Variants in CHI3L2 observed in about 807,000 individuals in gnomAD.
CHI3L2 encodes the protein chitinase 3 like 2.
In CHI3L2, 47 loss-of-function variants were observed where a neutral mutation model predicts 47.3. The observed-to-expected ratio is 0.99, with a 90% confidence interval of 0.79 to 1.27. The LOEUF (loss-of-function observed/expected upper bound fraction) is 1.27. CHI3L2 is among the 50% of genes most tolerant of loss of function. The pLI is 0.00. For missense variants in CHI3L2, 497 were observed against 462.1 expected (o/e 1.08, Z -0.69); for synonymous variants, 198 against 169.9 (o/e 1.17, Z -1.28).
intron 5 of CHI3L2, 52 bp from the exon 6 acceptor site, chr1:111,235,587 C>T: frequency 6.3e-7 from 1 of 1,586,182 alleles, no homozygotes; most frequent in Non-Finnish European, 8.6e-7. Flanking sequence ...AGAAGCTTAG[C>T]ACTGTACTCT....
chr1:111,228,539 C>T (rs750740850), intron 1 of CHI3L2, among the ~76,000 whole-genome samples: 1 of 152,326 alleles, frequency 6.6e-6, no homozygotes, highest in Non-Finnish European at 1.5e-5. Context: ...TGGAGGCTGA[C>T]CTGACAGTGG....
At chr1:111,242,156 A>T (rs1252812762) in intron 9 of CHI3L2, 71 bp from the exon 10 acceptor site, 5 of 1,598,678 alleles carry the variant, frequency 3.1e-6, no homozygotes. Flanking sequence ...CCCTCATCTG[A>T]ACCTGATATG....
chr1:111,236,018 C>T lies in CHI3L2; in HGVS notation c.606-6C>T, dbSNP rs376788065. 1.2e-6 allele frequency: 2 copies of T among 1,613,826 alleles called. No homozygotes were observed. The highest frequency in any genetic ancestry group is 2.2e-5 in the East Asian group (1 of 44,892). On this transcript the variant is annotated splice_region_variant and splice_polypyrimidine_tract_variant and intron_variant, in intron 6 of 10. Transcript: ENST00000369748. ...AAAATCTCTCCCATTGCTTTTGGCA[C>T]TTTAGAGATCTGGATTTCATCAACC...
chr1:111,240,170 G>A (rs996689740), intron 8 of CHI3L2, among the ~76,000 whole-genome samples: 2 of 152,166 alleles, frequency 1.3e-5, no homozygotes, highest in Admixed American at 1.3e-4. Flanking sequence ...TCTATCTTTG[G>A]AGTCCCAGCC....
intron 7 of CHI3L2, 83 bp from the exon 8 acceptor site, chr1:111,238,667 G>A (rs1659954947): frequency 7.0e-7 from 1 of 1,429,494 alleles, no homozygotes; most frequent in African/African-American, 1.4e-5. Context: ...AGTCACCTCT[G>A]TGAAGTTTGG....
chr1:111,234,991 T>C lies in CHI3L2; in HGVS notation c.414T>C (p.Asp138=). ...IILFLRNHNF[D]GLDVSWIYPD... ...TGTTTCTGAGGAACCATAACTTTGATGGACTGGATGTAAGCTGGATCTACC... is the reference window on the plus strand; with the variant it reads ...TGTTTCTGAGGAACCATAACTTTGACGGACTGGATGTAAGCTGGATCTACC... Residue 138 remains aspartate (D), a synonymous_variant, in exon 5 of 11, where the codon GAT becomes GAC. Coordinates refer to ENST00000369748, the MANE Select transcript of CHI3L2 (RefSeq NM_004000.3). The C allele has an allele frequency of 6.2e-7, 1 of 1,614,194 alleles. No homozygotes were observed. The highest frequency in any genetic ancestry group is 1.3e-5 in the African/African-American group (1 of 75,046).
chr1:111,234,896 CT>C lies in CHI3L2; in HGVS notation c.330-9del. 1 of 1,613,262 alleles carries C rather than the reference CT, an allele frequency of 6.2e-7. No homozygotes were observed. Among genetic ancestry groups the C allele is most frequent in the Non-Finnish European group, 8.5e-7 (1 of 1,179,484 alleles). On this transcript the variant is annotated splice_polypyrimidine_tract_variant and intron_variant, in intron 4 of 10. Transcript: ENST00000369748. Reference sequence around the variant, plus strand: ...TCTTTCCAAAAAGACACTCGTATTGCTTCTTTCCAGGTTCCACCCTATGGTG... The same window carrying C: ...TCTTTCCAAAAAGACACTCGTATTGCTCTTTCCAGGTTCCACCCTATGGTG...
intron 7 of CHI3L2, 135 bp from the exon 8 acceptor site, chr1:111,238,615 G>A: frequency 1.2e-6 from 1 of 808,356 alleles, no homozygotes; most frequent in Non-Finnish European, 2.0e-6. Flanking sequence ...TGGTCCGGGG[G>A]GTCTGGTCTG....
At chr1:111,230,611 CT>C (rs1460317370) in intron 2 of CHI3L2, 130 bp from the exon 3 acceptor site, 6 of 723,922 alleles carry the variant, frequency 8.3e-6, no homozygotes, top group Non-Finnish European at 1.4e-5. Context: ...AAGGCCCAGG[CT>C]GAATGACCCT....
intron 9 of CHI3L2, 93 bp downstream of exon 9, chr1:111,241,536 T>C (rs942693): frequency 0.29 from 204,111 of 713,402 alleles, 31,506 homozygotes; most frequent in Non-Finnish European, 0.33. Context: ...GAGAAGCTTC[T>C]GAGGCCCCAG....
intron 7 of CHI3L2, among the ~76,000 whole-genome samples, chr1:111,237,038 G>T (rs996412853): frequency 6.6e-6 from 1 of 152,206 alleles, no homozygotes; most frequent in African/African-American, 2.4e-5. Context: ...CAGAATGCAA[G>T]ATCTGCAAAA....
chr1:111,229,816 G>T (rs1455247496), intron 1 of CHI3L2, 36 bp from the exon 2 acceptor site: 1 of 1,612,962 alleles, frequency 6.2e-7, no homozygotes, highest in Non-Finnish European at 8.5e-7. Context: ...ACCAGGTTTG[G>T]CTCAACAGAT....
rs745314218 is a variant in CHI3L2 at position 111,238,876 on chromosome 1, G to A, written c.862G>A (p.Gly288Ser). The A allele has an allele frequency of 1.2e-6, 2 of 1,613,434 alleles. No individual in the cohort carries two copies. Among genetic ancestry groups the A allele is most frequent in the Non-Finnish European group, 8.5e-7 (1 of 1,179,694 alleles). The part of the protein sequence containing the change: ...AETTVGAPAS[G>S]PGAAGPITES... The stretch of plus-strand genomic sequence containing the variant: ...AACCACCGTGGGGGCCCCTGCCTCT[G>A]GCCCTGGAGCTGCTGGACCCATCAC... The change falls in exon 8 of 11, where the codon GGC (glycine) becomes AGC (serine). Residue 288 changes from glycine to serine, a missense_variant. Gly to Ser is a moderately conservative substitution (Grantham distance 56). Coordinates refer to ENST00000369748, the MANE Select transcript of CHI3L2 (RefSeq NM_004000.3).
intron 4 of CHI3L2, among the ~76,000 whole-genome samples, chr1:111,233,915 C>T (rs1270715590): frequency 6.6e-6 from 1 of 152,096 alleles, no homozygotes; most frequent in East Asian, 1.9e-4. Flanking sequence ...CTCTCTGAAA[C>T]ATGTGCTGTG....
At chr1:111,231,495 T>A in intron 4 of CHI3L2, 1 of 534,674 alleles carries the variant, frequency 1.9e-6, no homozygotes, top group Non-Finnish European at 3.3e-6. Flanking sequence ...CTTCTGGAGC[T>A]TAATACAAGC....
intron 8 of CHI3L2, among the ~76,000 whole-genome samples, chr1:111,239,632 A>G (rs887590661): frequency 7.2e-5 from 11 of 152,192 alleles, no homozygotes; most frequent in African/African-American, 2.7e-4. Context: ...AGGTGTTTCA[A>G]AAAGGAGGGA....
At chr1:111,234,277 A>G (rs934883130) in intron 4 of CHI3L2, among the ~76,000 whole-genome samples, 1 of 152,240 alleles carries the variant, frequency 6.6e-6, no homozygotes, top group Non-Finnish European at 1.5e-5. Context: ...GAAACGGGGA[A>G]AAAGACCTCA....
In CHI3L2 at chr1:111,229,681, CAAAAAAAAA is replaced by C. The variant is rs997929124; in HGVS notation, c.41-155_41-147del. 1.8e-3 allele frequency: 688 copies of C among 390,542 alleles called. 4 individuals are homozygous for C. Among genetic ancestry groups the C allele is most frequent in the South Asian group, 0.013 (281 of 22,220 alleles). The allele number at this position is 390,542 out of a possible 1,614,324, so 24.2% of individuals were successfully genotyped here. A position where few individuals can be genotyped will look rare whatever the true frequency, so the allele number is the denominator to read the frequency against. ...TGGGCGACAGAGCGAGACTCCGTCT[CAAAAAAAAA>C]AAAAAAAAAAAAAAAGAAACCACAG... On this transcript the variant is annotated intron_variant, in intron 1 of 10. Transcript: ENST00000369748.
chr1:111,234,734 G>A (rs573556509), intron 4 of CHI3L2, among the ~76,000 whole-genome samples, 173 bp from the exon 5 acceptor site: 20 of 152,296 alleles, frequency 1.3e-4, no homozygotes, highest in African/African-American at 4.1e-4. Flanking sequence ...TCAATGTTCC[G>A]GCCCAACAAT....
Sources: allele counts gnomAD v4.1 joint callset (sites outside exome capture counted in the v4.1 genomes callset), GRCh38; gene constraint gnomAD v4.1.1; transcripts MANE v1.5; gene names NCBI Gene and HGNC (gene_info 2026-07-23, HGNC 2026-07-21).